The following COQ8A variants were observed in gnomAD, a reference collection of about 807,000 sequenced individuals.
COQ8A encodes coenzyme Q8A.
COQ8A carries 51 observed loss-of-function variants against 65.0 expected under a neutral mutation model. That is an observed-to-expected ratio of 0.78 (90% CI 0.63 to 0.99). The LOEUF is 0.99. COQ8A is among the 50% of genes least tolerant of loss of function. The pLI is 0.00. For missense variants in COQ8A, 940 were observed against 875.0 expected (o/e 1.07, Z -0.94); for synonymous variants, 371 against 353.2 (o/e 1.05, Z -0.57).
At chr1:226,960,521 G>GGTA (rs1658173042) in intron 1 of COQ8A, among the ~76,000 whole-genome samples, 2 of 5,110 alleles carry the variant, frequency 3.9e-4, no homozygotes, top group Non-Finnish European at 8.5e-4. Flanking sequence ...TGGTGGTGGT[G>GGTA]CTTGGTGGTG....
Position 226,986,704 on chromosome 1 carries a change from C to T in COQ8A, c.1911C>T (p.Tyr637=). 1 of 1,613,942 alleles carries T rather than the reference C, an allele frequency of 6.2e-7. No individual in the cohort carries two copies. The highest frequency in any genetic ancestry group is 8.5e-7 in the Non-Finnish European group (1 of 1,180,030). Reference sequence around the variant, plus strand: ...GCAAGGCCATGTTCGAGGAGGCCTACAGCAACTACTGCAAGAGGCAGGCCC... The same window carrying T: ...GCAAGGCCATGTTCGAGGAGGCCTATAGCAACTACTGCAAGAGGCAGGCCC... ...FPCKAMFEEA[Y]SNYCKRQAQQ Residue 637 remains tyrosine (Y), a synonymous_variant, in exon 15 of 15, where the codon TAC becomes TAT. Transcript: ENST00000366777.
chr1:226,964,915 G>A, intron 2 of COQ8A, 85 bp from the exon 3 acceptor site: 2 of 1,487,964 alleles, frequency 1.3e-6, no homozygotes, highest in Non-Finnish European at 1.9e-6. Context: ...TGCTGGTGGT[G>A]TGCTGTCCTG....
At chr1:226,978,161 C>G (rs1659377045) in intron 5 of COQ8A, among the ~76,000 whole-genome samples, 1 of 151,148 alleles carries the variant, frequency 6.6e-6, no homozygotes, top group Non-Finnish European at 1.5e-5. Context: ...CTCCACACAC[C>G]CACGCACCTT....
At chr1:226,951,758 T>G (rs1657400447) in intron 1 of COQ8A, among the ~76,000 whole-genome samples, 1 of 151,632 alleles carries the variant, frequency 6.6e-6, no homozygotes, top group Non-Finnish European at 1.5e-5. Flanking sequence ...ACTGCTGAAC[T>G]TTGCTGTTGT....
At chr1:226,955,734 C>T (rs373708387) in intron 1 of COQ8A, among the ~76,000 whole-genome samples, 21 of 95,810 alleles carry the variant, frequency 2.2e-4, no homozygotes, top group African/African-American at 4.9e-4. Context: ...TCCCTGGCTC[C>T]CACTCTCCCT....
intron 5 of COQ8A, 101 bp from the exon 6 acceptor site, chr1:226,981,926 G>C: frequency 6.4e-7 from 1 of 1,555,150 alleles, no homozygotes; most frequent in Non-Finnish European, 8.9e-7. Context: ...ACGCCTGGGA[G>C]GAAGGACATT....
At chr1:226,968,417 G>A (rs540489249) in intron 4 of COQ8A, among the ~76,000 whole-genome samples, 1 of 152,240 alleles carries the variant, frequency 6.6e-6, no homozygotes, top group South Asian at 2.1e-4. Context: ...TATACACATG[G>A]CAAGATATTT....
chr1:226,982,841 C>T lies in COQ8A; in HGVS notation c.940-53C>T, dbSNP rs779384446. The stretch of plus-strand genomic sequence containing the variant: ...GGAGGGGACAGACTTGGGGCTTCTC[C>T]CGGTGGCCCAGGCAGGGCATGCTCA... On this transcript the variant is annotated intron_variant, in intron 7 of 14. Transcript: ENST00000366777. 116 of 1,612,520 alleles carry T rather than the reference C, an allele frequency of 7.2e-5. 1 individual carries two copies. The highest frequency in any genetic ancestry group is 9.2e-5 in the Non-Finnish European group (108 of 1,179,788).
intron 14 of COQ8A, 97 bp from the exon 15 acceptor site, chr1:226,986,356 G>C: frequency 7.3e-7 from 1 of 1,371,532 alleles, no homozygotes; most frequent in East Asian, 2.3e-5. Context: ...GCAGAGCTTT[G>C]AATGAGAACT....
intron 6 of COQ8A, 90 bp downstream of exon 6, chr1:226,982,239 C>A: frequency 6.6e-7 from 1 of 1,505,388 alleles, no homozygotes; most frequent in African/African-American, 1.4e-5. Flanking sequence ...CCCACCAAAG[C>A]TCAGTGGGCA....
Position 226,973,119 on chromosome 1 carries a change from C to T in COQ8A, c.656-4330C>T, listed in dbSNP as rs368299622. On this transcript the variant is annotated intron_variant, in intron 4 of 14. Coordinates refer to ENST00000366777, the MANE Select transcript of COQ8A (RefSeq NM_020247.5). ...TTGACAGGGCTGCATACAAGGCCAG[C>T]GACAAGTGGCAGGCAGTGACGCCAG... is the stretch of plus-strand genomic sequence containing the variant. Among the ~76,000 whole-genome samples the T allele has an allele frequency of 2.3e-3, 356 of 152,334 alleles. 5 individuals carry two copies. The highest frequency in any genetic ancestry group is 7.7e-3 in the African/African-American group (319 of 41,580).
Position 226,986,997 on chromosome 1 carries a change from G to A in COQ8A, c.*260G>A, listed in dbSNP as rs556644609. 1.8e-6 allele frequency: 1 copy of A among 554,580 alleles called. No homozygotes were observed. The highest frequency in any genetic ancestry group is 3.2e-6 in the Non-Finnish European group (1 of 309,280). 34.4% of individuals were successfully genotyped at this position (554,580 alleles called of 1,614,324 possible). A position where few individuals can be genotyped will look rare whatever the true frequency, so the allele number is the denominator to read the frequency against. ...TCCTCTGAAATAAGCAGATGAAGAT[G>A]AAAGGGCAACTTTGTTTTCTTCTTT... is the stretch of plus-strand genomic sequence containing the variant. On this transcript the variant is annotated 3_prime_UTR_variant, in exon 15 of 15. Transcript: ENST00000366777.
chr1:226,957,021 C>T (rs865914900), intron 1 of COQ8A, among the ~76,000 whole-genome samples: 2 of 147,138 alleles, frequency 1.4e-5, no homozygotes, highest in South Asian at 2.2e-4. Flanking sequence ...CTGGCTGCCA[C>T]TCCCTCGTTC....
rs1657025584 is a variant in COQ8A at position 226,946,092 on chromosome 1, A to G, written c.-10+5693A>G. On this transcript the variant is annotated intron_variant, in intron 1 of 14. Coordinates refer to ENST00000366777, the MANE Select transcript of COQ8A (RefSeq NM_020247.5). The surrounding 1 kb of genome is among the most constrained non-coding windows in gnomAD (Gnocchi z 5.3). ...TCCTGCCTCACTGACTCATAATGCT[A>G]ATAAACTCGTGTGTATGAGGACAGT... is the stretch of plus-strand genomic sequence containing the variant. Among the ~76,000 whole-genome samples the G allele has an allele frequency of 6.6e-6, 1 of 152,116 alleles. No homozygotes were observed.
chr1:226,977,915 A>G (rs929749232), intron 5 of COQ8A, among the ~76,000 whole-genome samples: 7 of 140,284 alleles, frequency 5.0e-5, no homozygotes, highest in African/African-American at 1.9e-4. Context: ...ACACGCGCAC[A>G]CCTTACACAC....
At position 226,982,116 on chromosome 1, in the gene COQ8A, G is replaced by A; in HGVS notation, c.820G>A (p.Ala274Thr). Residue 274 changes from alanine (A) to threonine (T), a missense_variant, in exon 6 of 15, where the codon GCA becomes ACA. Coordinates refer to ENST00000366777, the MANE Select transcript of COQ8A (RefSeq NM_020247.5). The part of the protein sequence containing the change: ...VRTLCKVRGA[A>T]LKLGQMLSIQ... ...CACGCTCTGCAAGGTGCGTGGTGCG[G>A]CACTCAAGCTGGGCCAGATGCTGAG... 1 of 1,607,312 alleles carries A rather than the reference G, an allele frequency of 6.2e-7. No homozygotes were observed. Among genetic ancestry groups the A allele is most frequent in the Non-Finnish European group, 8.5e-7 (1 of 1,177,642 alleles).
rs1013482697 is a variant in COQ8A, at chr1:226,946,273, A to G, written c.-10+5874A>G. ...TAAGAGATGAGGGAGTTTAGAGGAAAGGAGATGACTTGCCTATGGAGGGGT... is the reference window on the plus strand; with the variant it reads ...TAAGAGATGAGGGAGTTTAGAGGAAGGGAGATGACTTGCCTATGGAGGGGT... On this transcript the variant is annotated intron_variant, in intron 1 of 14. Coordinates refer to ENST00000366777, the MANE Select transcript of COQ8A (RefSeq NM_020247.5). This position sits in a 1 kb window ranked among gnomAD's most constrained non-coding sequence, Gnocchi z 5.3. Among the ~76,000 whole-genome samples the G allele has an allele frequency of 3.9e-5, 6 of 152,168 alleles. No homozygotes were observed. The highest frequency in any genetic ancestry group is 1.4e-4 in the African/African-American group (6 of 41,436).
intron 2 of COQ8A, among the ~76,000 whole-genome samples, chr1:226,964,445 C>G (rs906023466): frequency 2.0e-5 from 3 of 152,202 alleles, no homozygotes; most frequent in African/African-American, 7.2e-5. Flanking sequence ...TCCCTGTACC[C>G]TGAGCTCTTA....
intron 3 of COQ8A, 36 bp from the exon 4 acceptor site, chr1:226,965,635 G>A (rs72760475): frequency 6.2e-7 from 1 of 1,612,494 alleles, no homozygotes; most frequent in Non-Finnish European, 8.5e-7. Flanking sequence ...TGTCCCCTTG[G>A]CTGATTCCAC....
Sources: allele counts gnomAD v4.1 joint callset (sites outside exome capture counted in the v4.1 genomes callset), GRCh38; gene constraint gnomAD v4.1.1; non-coding constraint Gnocchi (gnomAD v3.1); transcripts MANE v1.5; gene names NCBI Gene and HGNC (gene_info 2026-07-23, HGNC 2026-07-21).